HADHA: variants seen among roughly 807,000 people sequenced by gnomAD.
The protein encoded by HADHA is trifunctional enzyme subunit alpha, mitochondrial.
A neutral mutation model predicts 91.3 loss-of-function variants in HADHA; 59 were observed. That is an observed-to-expected ratio of 0.65 (90% CI 0.52 to 0.80). The LOEUF is 0.80. HADHA is among the 30% of genes least tolerant of loss of function. The probability of loss-of-function intolerance (pLI) is 0.00; values close to 1 mark genes in which losing one functional copy is unlikely to be tolerated. For synonymous variants in HADHA, 320 were observed against 338.9 expected, an observed-to-expected ratio of 0.94 and a Z score of 0.61; for missense variants, 800 against 927.6, an observed-to-expected ratio of 0.86 and a Z score of 1.79.
intron 7 of HADHA, among the ~76,000 whole-genome samples, chr2:26,218,773 C>G (rs1670298448): frequency 6.6e-6 from 1 of 151,850 alleles, no homozygotes. Context: ...TTTGGGAGGC[C>G]AAGGCAGGCA....
At chr2:26,191,993 C>T (rs1217822838) in intron 18 of HADHA, among the ~76,000 whole-genome samples, 1 of 152,164 alleles carries the variant, frequency 6.6e-6, no homozygotes, top group Non-Finnish European at 1.5e-5. Context: ...CCAGAGAAGG[C>T]TGGAGCAGGG....
intron 11 of HADHA, 122 bp from the exon 12 acceptor site, chr2:26,204,318 A>G (rs1669923356): frequency 1.1e-6 from 1 of 893,408 alleles, no homozygotes; most frequent in South Asian, 1.4e-5. Flanking sequence ...GGTGTTTCAA[A>G]TAATTTTTAT....
chr2:26,207,773 A>AT (rs928002268), intron 11 of HADHA, among the ~76,000 whole-genome samples: 1 of 151,998 alleles, frequency 6.6e-6, no homozygotes, highest in South Asian at 2.1e-4. Context: ...GTAGCTCAGT[A>AT]TTTTTTTTCA....
chr2:26,202,013 C>G (rs1574608495), intron 12 of HADHA, among the ~76,000 whole-genome samples: 1 of 150,060 alleles, frequency 6.7e-6, no homozygotes, highest in Non-Finnish European at 1.5e-5. Context: ...CTTGGCCAGG[C>G]TGGTCTTGAA....
intron 14 of HADHA, among the ~76,000 whole-genome samples, chr2:26,196,830 T>C (rs1226581836): frequency 6.6e-6 from 1 of 152,182 alleles, no homozygotes; most frequent in Non-Finnish European, 1.5e-5. Context: ...TCTTGAGTGA[T>C]ATGACATGGC....
Position 26,234,356 on chromosome 2 carries a change from C to A in HADHA, c.315-1G>T. 6.2e-7 allele frequency: 1 copy of A among 1,611,410 alleles called. No individual in the cohort carries two copies. Among genetic ancestry groups the A allele is most frequent in the Non-Finnish European group, 8.5e-7 (1 of 1,177,498 alleles). On this transcript the variant is annotated splice_acceptor_variant, in intron 4 of 19. Transcript: ENST00000380649. LOFTEE classifies it high-confidence loss of function. The stretch of plus-strand genomic sequence containing the variant: ...AAGGGTCTTGCAAGCGGCTAACATG[C>A]TGCATTATCCATAAAAGTAGAGAAC...
chr2:26,195,265 A>G (rs1290962222), intron 14 of HADHA, 33 bp from the exon 15 acceptor site: 1 of 1,596,428 alleles, frequency 6.3e-7, no homozygotes, highest in African/African-American at 1.3e-5. Context: ...AACAGATCGG[A>G]GAATGCGGGT....
intron 1 of HADHA, chr2:26,243,037 C>T (rs532320365): frequency 6.6e-6 from 1 of 152,436 alleles, no homozygotes; most frequent in East Asian, 1.9e-4. Flanking sequence ...AGGCGTGAGC[C>T]ACCGCACCCG....
Position 26,191,562 on chromosome 2 carries a change from C to T in HADHA, c.2067G>A (p.Leu689=). 6.2e-7 allele frequency: 1 copy of T among 1,614,152 alleles called. No homozygotes were observed. The highest frequency in any genetic ancestry group is 8.5e-7 in the Non-Finnish European group (1 of 1,179,970). Residue 689 remains leucine, a synonymous_variant, in exon 19 of 20, where the codon CTG becomes CTA. Transcript: ENST00000380649. ...TRFVNEAVMC[L]QEGILATPAE... Reference sequence around the variant, plus strand: ...CAGGTGTGGCCAAGATCCCCTCTTGCAGGCACATGACTGCCTCATTCACAA... The same window carrying T: ...CAGGTGTGGCCAAGATCCCCTCTTGTAGGCACATGACTGCCTCATTCACAA...
Position 26,197,688 on chromosome 2 carries a change from T to C in HADHA, c.1479+3A>G. 3.0e-6 allele frequency: 4 copies of C among 1,338,666 alleles called. No individual in the cohort carries two copies. Among genetic ancestry groups the C allele is most frequent in the Non-Finnish European group, 4.3e-6 (4 of 928,000 alleles). 82.9% of individuals were successfully genotyped at this position (1,338,666 alleles called of 1,614,324 possible). A position where few individuals can be genotyped will look rare whatever the true frequency, so the allele number is the denominator to read the frequency against. ...TCAGGGTTTTTCTCTGTTCCGAGTT[T>C]ACCTTCTCAGGTCTTTTGCTGACAG... On this transcript the variant is annotated splice_donor_region_variant and intron_variant, in intron 14 of 19. Transcript: ENST00000380649.
At chr2:26,193,918 T>G (rs1352011152) in intron 16 of HADHA, 146 bp from the exon 17 acceptor site, 4 of 667,578 alleles carry the variant, frequency 6.0e-6, no homozygotes, top group African/African-American at 1.8e-5. Flanking sequence ...GCTATTTCAT[T>G]CAGGGAAGCA....
chr2:26,231,741 A>T (rs1308492464), intron 6 of HADHA, among the ~76,000 whole-genome samples: 1 of 151,940 alleles, frequency 6.6e-6, no homozygotes, highest in Non-Finnish European at 1.5e-5. Flanking sequence ...CTGAGGCGGG[A>T]GGATTACCTG....
At position 26,201,254 on chromosome 2, in the gene HADHA, C is replaced by G. The variant is rs780167829; in HGVS notation, c.1287G>C (p.Leu429Phe). Reference sequence around the variant, plus strand: ...AACCTTGGTAATCAAGCTGCCCAGTCAAGTTGCTGAAGATGGAATCCCTTT... The same window carrying G: ...AACCTTGGTAATCAAGCTGCCCAGTGAAGTTGCTGAAGATGGAATCCCTTT... ...SFERDSIFSN[L>F]TGQLDYQGFE... The change falls in exon 13 of 20, where the codon TTG becomes TTC. Residue 429 changes from leucine to phenylalanine, a missense_variant. By Grantham distance (22) the Leu-to-Phe change is conservative. Coordinates refer to ENST00000380649, the MANE Select transcript of HADHA (RefSeq NM_000182.5). The G allele has an allele frequency of 2.8e-5, 45 of 1,611,776 alleles. No homozygotes were observed. In the South Asian group the frequency reaches 4.6e-4, roughly 17 times the overall value.
intron 12 of HADHA, 59 bp from the exon 13 acceptor site, chr2:26,201,379 G>A (rs1669830420): frequency 8.5e-7 from 1 of 1,183,374 alleles, no homozygotes; most frequent in African/African-American, 1.5e-5. Flanking sequence ...TTTATTGAAT[G>A]TCCATGGGCC....
At chr2:26,238,897 C>T (rs531009585) in intron 3 of HADHA, 37 bp downstream of exon 3, 18 of 1,226,398 alleles carry the variant, frequency 1.5e-5, no homozygotes, top group Non-Finnish European at 1.9e-5. Context: ...ATTCATAATG[C>T]GGTTAGCAGA....
chr2:26,193,460 A>C (rs946692513), intron 17 of HADHA, 117 bp downstream of exon 17: 1 of 885,214 alleles, frequency 1.1e-6, no homozygotes, highest in Non-Finnish European at 1.9e-6. Context: ...GCCAGTGATA[A>C]GGGCTCTGTG....
At chr2:26,201,793 T>C (rs1002242967) in intron 12 of HADHA, among the ~76,000 whole-genome samples, 10 of 152,068 alleles carry the variant, frequency 6.6e-5, no homozygotes, top group Non-Finnish European at 1.5e-4. Context: ...GTAATCTTTT[T>C]TTTTTTTTAT....
intron 16 of HADHA, 80 bp from the exon 17 acceptor site, chr2:26,193,852 C>A (rs1415635513): frequency 2.7e-6 from 3 of 1,120,212 alleles, no homozygotes; most frequent in African/African-American, 3.1e-5. Context: ...TGGCTCCAAA[C>A]ACTGCCTTGT....
chr2:26,194,796 G>A (rs1669616559), intron 15 of HADHA, among the ~76,000 whole-genome samples, 158 bp from the exon 16 acceptor site: 1 of 152,048 alleles, frequency 6.6e-6, no homozygotes, highest in South Asian at 2.1e-4. Context: ...TGAAATTGCA[G>A]GGGAAGCCGT....
Sources: allele counts gnomAD v4.1 joint callset (sites outside exome capture counted in the v4.1 genomes callset), GRCh38; gene constraint gnomAD v4.1.1; transcripts MANE v1.5; gene names NCBI Gene and HGNC (gene_info 2026-07-23, HGNC 2026-07-21).